The following DNPEP variants were observed in gnomAD, a reference collection of about 807,000 sequenced individuals.
DNPEP encodes aspartyl aminopeptidase.
In DNPEP, 46 loss-of-function variants were observed where a neutral mutation model predicts 59.1. The observed-to-expected ratio is 0.78, with a 90% CI of 0.61 to 0.99. The LOEUF is 0.99. Among genes scored for constraint, DNPEP ranks in the 50% least tolerant of loss-of-function variants. The probability of loss-of-function intolerance (pLI) is 0.00; values close to 1 mark genes in which losing one functional copy is unlikely to be tolerated. For missense variants in DNPEP, 617 were observed against 649.9 expected (o/e 0.95, Z 0.55); for synonymous variants, 229 against 242.2 (o/e 0.95, Z 0.50).
rs552341510 is a variant in DNPEP at position 219,372,671 on chromosome 2, A to G, written c.*1621T>C. Among the ~76,000 whole-genome samples, 12 of 152,072 alleles carry G rather than the reference A, an allele frequency of 7.9e-5. No homozygotes were observed. The highest frequency in any genetic ancestry group is 2.9e-4 in the African/African-American group (12 of 41,508). ...CATAAGCCACCGTGCCTGGCCATAT[A>G]ATGTTTTGAAGGTACTCCTTGTCCT... On this transcript the variant is annotated 3_prime_UTR_variant, in exon 15 of 15. Transcript: ENST00000273075.
chr2:219,377,166 T>C (rs1350400629), intron 13 of DNPEP, among the ~76,000 whole-genome samples: 4 of 147,554 alleles, frequency 2.7e-5, no homozygotes, highest in African/African-American at 5.0e-5. Flanking sequence ...CCCAGCTACT[T>C]TGGAGGCTGA....
rs1191670056 is a variant in DNPEP, at chr2:219,386,954, G to A, written c.157C>T (p.Leu53Phe). The A allele has an allele frequency of 6.2e-7, 1 of 1,613,962 alleles. No individual in the cohort carries two copies. Among genetic ancestry groups the A allele is most frequent in the Non-Finnish European group, 8.5e-7 (1 of 1,180,002 alleles). ...TTGAGTTCACTGAAGCCAGCCTGGAGAAGGCGGTTGCGGCATTCAGCCACA... is the reference window on the plus strand; with the variant it reads ...TTGAGTTCACTGAAGCCAGCCTGGAAAAGGCGGTTGCGGCATTCAGCCACA... ...HAVAECRNRL[L>F]QAGFSELKET... Residue 53 changes from leucine (L) to phenylalanine (F), a missense_variant, in exon 3 of 15, where the codon CTC becomes TTC. Leu to Phe is a conservative substitution (Grantham distance 22, BLOSUM62 0). Coordinates refer to ENST00000273075, the MANE Select transcript of DNPEP (RefSeq NM_012100.4).
At chr2:219,390,581 C>T (rs985583073), upstream of DNPEP, among the ~76,000 whole-genome samples, 7 of 151,768 alleles carry the variant, frequency 4.6e-5, no homozygotes, top group African/African-American at 1.7e-4. Flanking sequence ...AACAGTTGGG[C>T]GTGGTGGCTC....
chr2:219,398,104 C>T (rs1954127746), intron 1 of DNPEP, among the ~76,000 whole-genome samples: 1 of 152,110 alleles, frequency 6.6e-6, no homozygotes, highest in Non-Finnish European at 1.5e-5. Context: ...CATCTGTAAA[C>T]CGGTGGAAGA....
intron 13 of DNPEP, among the ~76,000 whole-genome samples, chr2:219,379,934 A>G (rs1292883495): frequency 6.6e-6 from 1 of 151,912 alleles, no homozygotes; most frequent in Non-Finnish European, 1.5e-5. Flanking sequence ...AAATAAATAA[A>G]TAAATAAATA....
chr2:219,389,059 T>G (rs1953967083), upstream of DNPEP: 2 of 171,038 alleles, frequency 1.2e-5, no homozygotes, highest in Admixed American at 6.5e-5. Flanking sequence ...GTAAGTGTTA[T>G]GTTACACGGG....
At chr2:219,392,915 C>A (rs572189496), upstream of DNPEP, among the ~76,000 whole-genome samples, 27 of 152,332 alleles carry the variant, frequency 1.8e-4, no homozygotes, top group African/African-American at 6.0e-4. Flanking sequence ...CTCACTCCCT[C>A]GCACACACCT....
rs1483474756 is a variant in DNPEP, at chr2:219,387,858, G to A, written c.-64C>T. ...GCCCCGCCCCTCACTAGCTTTGCAGGTCCCCCGCGTGCCCCTTCAGGCCGC... is the reference window on the plus strand; with the variant it reads ...GCCCCGCCCCTCACTAGCTTTGCAGATCCCCCGCGTGCCCCTTCAGGCCGC... On this transcript the variant is annotated 5_prime_UTR_variant, in exon 1 of 15. Transcript: ENST00000273075. The A allele has an allele frequency of 2.0e-6, 3 of 1,500,586 alleles. No individual in the cohort carries two copies. The highest frequency in any genetic ancestry group is 2.7e-6 in the Non-Finnish European group (3 of 1,126,904). 93.0% of individuals were successfully genotyped at this position (1,500,586 alleles called of 1,614,324 possible).
At chr2:219,387,029 A>G in intron 2 of DNPEP, 41 bp downstream of exon 2, 1 of 1,612,838 alleles carries the variant, frequency 6.2e-7, no homozygotes, top group Non-Finnish European at 8.5e-7. Flanking sequence ...TGAAGGGCGC[A>G]TCAGCCTCCA....
Position 219,386,901 on chromosome 2 carries a change from G to C in DNPEP, c.210C>G (p.Pro70=). ...ACCCCACCCCCAGTACCTTGCTCTC[G>C]GGCTTAATATTCCATTTCTCAGTCT... ...LKETEKWNIK[P]ESKYFMTRNS... is the part of the protein sequence containing the mutation. Residue 70 remains proline (P), a synonymous_variant, in exon 3 of 15, where the codon CCC becomes CCG. Coordinates refer to ENST00000273075, the MANE Select transcript of DNPEP (RefSeq NM_012100.4). 2 of 1,609,526 alleles carry C rather than the reference G, an allele frequency of 1.2e-6. No individual in the cohort carries two copies. Among genetic ancestry groups the C allele is most frequent in the Non-Finnish European group, 1.7e-6 (2 of 1,176,870 alleles).
chr2:219,385,865 G>A, intron 6 of DNPEP, 103 bp downstream of exon 6: 1 of 1,515,840 alleles, frequency 6.6e-7, no homozygotes, highest in Non-Finnish European at 9.0e-7. Context: ...GAAATTAACT[G>A]GGTCCCAAGA....
intron 8 of DNPEP, 188 bp from the exon 9 acceptor site, chr2:219,384,631 C>T (rs551810408): frequency 8.6e-5 from 41 of 476,302 alleles, no homozygotes; most frequent in South Asian, 3.5e-4. Flanking sequence ...TGCAATGGCT[C>T]GATCTCGGCT....
intron 1 of DNPEP, among the ~76,000 whole-genome samples, chr2:219,394,398 GCTC>G (rs1332317594): frequency 6.6e-6 from 1 of 152,024 alleles, no homozygotes; most frequent in Non-Finnish European, 1.5e-5. Context: ...GTCTCTTCTG[GCTC>G]CTCCTCATCT....
chr2:219,377,425 A>C (rs905898298), intron 13 of DNPEP, among the ~76,000 whole-genome samples: 6 of 152,116 alleles, frequency 3.9e-5, no homozygotes, highest in Non-Finnish European at 5.9e-5. Flanking sequence ...TTCTTGAATA[A>C]GCCAATGCTA....
upstream of DNPEP, chr2:219,388,837 G>T: frequency 1.0e-6 from 1 of 985,460 alleles, no homozygotes; most frequent in Non-Finnish European, 1.2e-6. Flanking sequence ...CTGTTACCTC[G>T]TTTAATCTTC....
At chr2:219,387,579 G>A in intron 1 of DNPEP, 180 bp downstream of exon 1, 5 of 1,510,900 alleles carry the variant, frequency 3.3e-6, no homozygotes, top group Non-Finnish European at 3.5e-6. Context: ...CACCCACCTA[G>A]TCTCTCGCAG....
chr2:219,389,030 C>T, upstream of DNPEP: 1 of 228,556 alleles, frequency 4.4e-6, no homozygotes, highest in East Asian at 1.8e-4. Context: ...CTTTTCTGGA[C>T]CTTTTTCTAT....
At chr2:219,394,286 G>A (rs935921060) in intron 1 of DNPEP, among the ~76,000 whole-genome samples, 28 of 152,040 alleles carry the variant, frequency 1.8e-4, no homozygotes, top group Non-Finnish European at 2.8e-4. Context: ...CCCCATTGTC[G>A]TTGACCCATG....
chr2:219,381,683 T>C, intron 11 of DNPEP, 99 bp from the exon 12 acceptor site: 1 of 1,351,082 alleles, frequency 7.4e-7, no homozygotes, highest in Admixed American at 1.7e-5. Flanking sequence ...ATCACCACTC[T>C]TTCCCGCCCA....
Sources: allele counts gnomAD v4.1 joint callset (sites outside exome capture counted in the v4.1 genomes callset), GRCh38; gene constraint gnomAD v4.1.1; transcripts MANE v1.5; gene names NCBI Gene and HGNC (gene_info 2026-07-23, HGNC 2026-07-21).